GHR: variants seen among roughly 807,000 people sequenced by gnomAD.
GHR encodes the protein GH receptor.
In GHR, 35 loss-of-function variants were observed where a neutral mutation model predicts 67.1. That is an observed-to-expected ratio of 0.52 (90% CI 0.40 to 0.69). The LOEUF (loss-of-function observed/expected upper bound fraction) is 0.69, where lower values mean the gene tolerates loss of function less well. Ranked by LOEUF, GHR falls within the 30% of genes least tolerant of loss-of-function variation. GHR has a pLI of 0.00. For synonymous variants in GHR, 272 were observed against 269.1 expected (o/e 1.01, Z -0.10); for missense variants, 792 against 764.6 (o/e 1.04, Z -0.42).
chr5:42,622,324 T>A (rs760361650), intron 2 of GHR, among the ~76,000 whole-genome samples: 1 of 152,176 alleles, frequency 6.6e-6, no homozygotes, highest in Non-Finnish European at 1.5e-5. Context: ...TGCCTCCTCA[T>A]GAGTACCAAT....
intron 2 of GHR, among the ~76,000 whole-genome samples, chr5:42,602,122 A>C (rs1332358186): frequency 6.6e-6 from 1 of 152,176 alleles, no homozygotes; most frequent in African/African-American, 2.4e-5. Context: ...AGAGTGAAAC[A>C]AATTAACAAA....
At chr5:42,543,846 G>C (rs1020920866) in intron 1 of GHR, among the ~76,000 whole-genome samples, 1 of 151,884 alleles carries the variant, frequency 6.6e-6, no homozygotes, top group African/African-American at 2.4e-5. Flanking sequence ...ATGTGTGTTG[G>C]AGCTTCTCAA....
chr5:42,522,419 G>A (rs1747517067), intron 1 of GHR, among the ~76,000 whole-genome samples: 1 of 152,146 alleles, frequency 6.6e-6, no homozygotes, highest in African/African-American at 2.4e-5. Flanking sequence ...TATAAATACA[G>A]ATTAATTCAG....
chr5:42,598,096 A>G (rs1752173847), intron 2 of GHR, among the ~76,000 whole-genome samples: 1 of 152,142 alleles, frequency 6.6e-6, no homozygotes, highest in South Asian at 2.1e-4. Context: ...GGTAGCAGTG[A>G]GGTGGAAGGG....
At chr5:42,512,392 G>C (rs1196099707) in intron 1 of GHR, among the ~76,000 whole-genome samples, 1 of 152,116 alleles carries the variant, frequency 6.6e-6, no homozygotes, top group Admixed American at 6.5e-5. Flanking sequence ...GCAGAGGAGA[G>C]AGCAGTAGGT....
chr5:42,536,911 T>G (rs1478200726), intron 1 of GHR, among the ~76,000 whole-genome samples: 1 of 152,118 alleles, frequency 6.6e-6, no homozygotes, highest in African/African-American at 2.4e-5. Flanking sequence ...TTTCTAGGAA[T>G]TTATCCATCT....
intron 1 of GHR, among the ~76,000 whole-genome samples, chr5:42,510,549 G>T (rs545201996): frequency 6.6e-6 from 1 of 152,144 alleles, no homozygotes; most frequent in Non-Finnish European, 1.5e-5. Flanking sequence ...GTAAAATTAC[G>T]ATTGGAATAG....
At chr5:42,672,236 A>T (rs1756352822) in intron 3 of GHR, among the ~76,000 whole-genome samples, 1 of 152,208 alleles carries the variant, frequency 6.6e-6, no homozygotes, top group South Asian at 2.1e-4. Context: ...TTCTATGCCT[A>T]GAAAAACCTA....
At chr5:42,686,181 C>T (rs963714651) in intron 3 of GHR, among the ~76,000 whole-genome samples, 1 of 152,148 alleles carries the variant, frequency 6.6e-6, no homozygotes, top group African/African-American at 2.4e-5. Context: ...TTTCCCAACA[C>T]CATTTATTAA....
At chr5:42,652,864 C>G (rs1395168353) in intron 3 of GHR, among the ~76,000 whole-genome samples, 3 of 152,026 alleles carry the variant, frequency 2.0e-5, no homozygotes, top group Non-Finnish European at 4.4e-5. Flanking sequence ...ACTCAAGCAT[C>G]CTTGCTCTGT....
chr5:42,442,563 T>G (rs1380254466), intron 1 of GHR, among the ~76,000 whole-genome samples: 1 of 152,076 alleles, frequency 6.6e-6, no homozygotes, highest in African/African-American at 2.4e-5. Context: ...TTCTGAAGGT[T>G]AGAGGAAATT....
chr5:42,678,927 C>T (rs1756699812), intron 3 of GHR, among the ~76,000 whole-genome samples: 2 of 148,304 alleles, frequency 1.3e-5, no homozygotes, highest in Non-Finnish European at 3.0e-5. Flanking sequence ...CATTTTAAAA[C>T]ATTTAAAATA....
chr5:42,485,714 TAGTC>T (rs1745849265), intron 1 of GHR, among the ~76,000 whole-genome samples: 1 of 152,252 alleles, frequency 6.6e-6, no homozygotes, highest in Admixed American at 6.5e-5. Context: ...TCCAGGGTCA[TAGTC>T]AGCCACATGT....
chr5:42,510,117 G>A (rs993912994), intron 1 of GHR, among the ~76,000 whole-genome samples: 3 of 152,066 alleles, frequency 2.0e-5, no homozygotes, highest in African/African-American at 7.2e-5. Flanking sequence ...TCCTTTGGTT[G>A]CTTGGGTTAA....
chr5:42,601,603 CT>C (rs1323892734), intron 2 of GHR, among the ~76,000 whole-genome samples: 28 of 152,220 alleles, frequency 1.8e-4, no homozygotes, highest in African/African-American at 6.3e-4. Flanking sequence ...TTTCCAAATT[CT>C]TATTAAAGCA....
At chr5:42,495,563 C>G (rs533353556) in intron 1 of GHR, among the ~76,000 whole-genome samples, 1 of 152,046 alleles carries the variant, frequency 6.6e-6, no homozygotes, top group African/African-American at 2.4e-5. Flanking sequence ...TTTGTTTGGC[C>G]TTTCATGGCT....
At chr5:42,625,617 G>A (rs1342325443) in intron 2 of GHR, among the ~76,000 whole-genome samples, 5 of 152,126 alleles carry the variant, frequency 3.3e-5, no homozygotes, top group African/African-American at 1.2e-4. Context: ...GAAATACGTT[G>A]ATTTGGTTCA....
chr5:42,598,752 C>G (rs1215774641), intron 2 of GHR, among the ~76,000 whole-genome samples: 1 of 152,218 alleles, frequency 6.6e-6, no homozygotes, highest in East Asian at 1.9e-4. Flanking sequence ...CCAGACCCTC[C>G]TTCTGCCTCT....
intron 8 of GHR, among the ~76,000 whole-genome samples, chr5:42,717,281 G>T (rs1459047718): frequency 6.6e-6 from 1 of 152,044 alleles, no homozygotes; most frequent in Admixed American, 6.6e-5. Flanking sequence ...TGTGGGCAAT[G>T]AAGTAAGACC....
Sources: allele counts gnomAD v4.1 joint callset (sites outside exome capture counted in the v4.1 genomes callset), GRCh38; gene constraint gnomAD v4.1.1; transcripts MANE v1.5; gene names NCBI Gene and HGNC (gene_info 2026-07-23, HGNC 2026-07-21).